The following FUT8 variants were observed in gnomAD, a reference collection of about 807,000 sequenced individuals.
The protein encoded by FUT8 is alpha-(1,6)-fucosyltransferase.
A neutral mutation model predicts 71.3 loss-of-function variants in FUT8; 29 were observed. The ratio of observed to expected loss-of-function variants is 0.41; its 90% CI spans 0.30 to 0.55. The LOEUF is 0.55. Ranked by LOEUF, FUT8 falls within the 20% of genes least tolerant of loss-of-function variation. The pLI is 0.34. For synonymous variants in FUT8, 254 were observed against 239.3 expected (o/e 1.06, Z -0.57); for missense variants, 544 against 702.1 (o/e 0.77, Z 2.55).
At position 65,469,707 on chromosome 14, in the gene FUT8, C is replaced by T. The variant is rs117020621; in HGVS notation, c.-228+13989C>T. Among the ~76,000 whole-genome samples, 908 of 152,248 alleles carry T rather than the reference C, an allele frequency of 6.0e-3. 10 individuals are homozygous for T. The highest frequency in any genetic ancestry group is 0.035 in the East Asian group (179 of 5,168). ...AGAGGAGGCCCTGGAGTGAGTGGCT[C>T]CTCTCTGCAGGCAGGTCCCCATTGA... On this transcript the variant is annotated intron_variant, in intron 2 of 10. Transcript: ENST00000673929.
chr14:65,579,718 G>A (rs1456675364), intron 3 of FUT8, among the ~76,000 whole-genome samples: 1 of 152,084 alleles, frequency 6.6e-6, no homozygotes. Context: ...ATAGCTTCCT[G>A]TGGTCCTTTA....
At chr14:65,425,792 A>G (rs980519693) in intron 1 of FUT8, among the ~76,000 whole-genome samples, 2 of 152,026 alleles carry the variant, frequency 1.3e-5, no homozygotes, top group Non-Finnish European at 2.9e-5. Context: ...CCTGGCCAAC[A>G]TAATGAAACC....
At chr14:65,717,493 G>A (rs563442296) in intron 7 of FUT8, among the ~76,000 whole-genome samples, 1 of 139,142 alleles carries the variant, frequency 7.2e-6, no homozygotes, top group Admixed American at 7.2e-5. Flanking sequence ...GGGGCGGCCG[G>A]GCAGAGGCGC....
In FUT8 at chr14:65,659,210, A is replaced by T. The variant is rs145030885; in HGVS notation, c.598-10033A>T. 2.9e-3 allele frequency among the ~76,000 whole-genome samples: 446 copies of T among 152,124 alleles called. 5 individuals carry two copies. Among genetic ancestry groups the T allele is most frequent in the African/African-American group, 9.8e-3 (406 of 41,524 alleles). Reference sequence around the variant, plus strand: ...TTTTGTTTTGTTTTTTTTTCATTAAAAAAACAATAATAGCTGGGGATTCCA... The same window carrying T: ...TTTTGTTTTGTTTTTTTTTCATTAATAAAACAATAATAGCTGGGGATTCCA... On this transcript the variant is annotated intron_variant, in intron 6 of 10. Transcript: ENST00000673929.
intron 5 of FUT8, among the ~76,000 whole-genome samples, chr14:65,623,470 C>A (rs769445301): frequency 2.0e-5 from 3 of 152,028 alleles, no homozygotes; most frequent in Non-Finnish European, 4.4e-5. Flanking sequence ...GTAATCCTAG[C>A]ACTTTGGGGA....
chr14:65,404,533 T>C, the FUT8 span, among the ~76,000 whole-genome samples: 3 of 151,880 alleles, frequency 2.0e-5, no homozygotes, highest in Non-Finnish European at 4.4e-5. Context: ...TGGAGTGCAG[T>C]GGCGCAATCT....
At chr14:65,683,069 A>G (rs1893113179) in intron 7 of FUT8, among the ~76,000 whole-genome samples, 1 of 148,736 alleles carries the variant, frequency 6.7e-6, no homozygotes. Flanking sequence ...GCTGGAGTGC[A>G]GTGGCACCAT....
the FUT8 span, among the ~76,000 whole-genome samples, chr14:65,378,397 CT>C: frequency 6.6e-6 from 1 of 152,170 alleles, no homozygotes; most frequent in East Asian, 1.9e-4. Context: ...TATTGCTGAT[CT>C]TGTCGTTATT....
At chr14:65,654,015 A>G (rs1206222290) in intron 6 of FUT8, among the ~76,000 whole-genome samples, 1 of 152,242 alleles carries the variant, frequency 6.6e-6, no homozygotes, top group Non-Finnish European at 1.5e-5. Context: ...CTGCTGGAAC[A>G]TCAGAATGAA....
intron 7 of FUT8, among the ~76,000 whole-genome samples, chr14:65,710,175 A>G (rs1001260209): frequency 6.6e-6 from 1 of 152,176 alleles, no homozygotes; most frequent in African/African-American, 2.4e-5. Flanking sequence ...CAGTGAATTT[A>G]TATTTATGGT....
At chr14:65,618,034 T>TAC (rs1366418432) in intron 5 of FUT8, among the ~76,000 whole-genome samples, 1 of 121,610 alleles carries the variant, frequency 8.2e-6, no homozygotes, top group Non-Finnish European at 1.7e-5. Flanking sequence ...TATATATATA[T>TAC]ATATATATAT....
At chr14:65,450,398 C>T (rs1743082978) in intron 1 of FUT8, among the ~76,000 whole-genome samples, 1 of 152,134 alleles carries the variant, frequency 6.6e-6, no homozygotes, top group Admixed American at 6.5e-5. Flanking sequence ...TATTCTGTTT[C>T]TCCTGAAAAC....
At chr14:65,492,740 T>A (rs2066500392) in intron 2 of FUT8, among the ~76,000 whole-genome samples, 1 of 152,142 alleles carries the variant, frequency 6.6e-6, no homozygotes. Context: ...TAAAACATAA[T>A]GTAAATGTCT....
chr14:65,572,068 G>A (rs557059399), intron 3 of FUT8, among the ~76,000 whole-genome samples: 32 of 152,294 alleles, frequency 2.1e-4, no homozygotes, highest in African/African-American at 7.7e-4. Flanking sequence ...TAGGCACAGT[G>A]AATGGCTTAT....
In FUT8 at chr14:65,469,363, ATAG is replaced by A. The variant is rs143605144; in HGVS notation, c.-228+13646_-228+13648del. On this transcript the variant is annotated intron_variant, in intron 2 of 10. Transcript: ENST00000673929. ...TATCAGGTAAAAGGAACTGAGGTAAATAGGCCTTTAGTGTGAGGTTTTATGTTT... is the reference window on the plus strand; with the variant it reads ...TATCAGGTAAAAGGAACTGAGGTAAAGCCTTTAGTGTGAGGTTTTATGTTT... 5.8e-3 allele frequency among the ~76,000 whole-genome samples: 876 copies of A among 152,262 alleles called. 34 individuals are homozygous for A. In the East Asian group the frequency reaches 0.093, roughly 16 times the overall value.
intron 2 of FUT8, among the ~76,000 whole-genome samples, chr14:65,520,842 A>G (rs1883031449): frequency 6.6e-6 from 1 of 152,104 alleles, no homozygotes; most frequent in Admixed American, 6.5e-5. Context: ...TCAAGTTTCA[A>G]ACAGTTTTTT....
In FUT8 at chr14:65,467,921, A is replaced by G. The variant is rs1383218176; in HGVS notation, c.-228+12203A>G. On this transcript the variant is annotated intron_variant, in intron 2 of 10. Transcript: ENST00000673929. The surrounding 1 kb of genome is among the most constrained non-coding windows in gnomAD (Gnocchi z 4.1). ...GCTGGTGCTTCAGTAGAACCCGGGT[A>G]CCTTTCTCTTTGGCTTCTTTCTTTT... 1 of 747,774 alleles carries G rather than the reference A, an allele frequency of 1.3e-6. No homozygotes were observed. Among genetic ancestry groups the G allele is most frequent in the Non-Finnish European group, 2.5e-6 (1 of 399,580 alleles). 46.3% of individuals were successfully genotyped at this position (747,774 alleles called of 1,614,324 possible).
intron 6 of FUT8, among the ~76,000 whole-genome samples, chr14:65,635,198 C>T (rs1287326383): frequency 2.0e-5 from 3 of 152,036 alleles, no homozygotes; most frequent in Admixed American, 6.6e-5. Context: ...ATGTTGTTTC[C>T]GTAAACTCTA....
At chr14:65,712,726 C>T (rs1276334420) in intron 7 of FUT8, among the ~76,000 whole-genome samples, 1 of 152,062 alleles carries the variant, frequency 6.6e-6, no homozygotes, top group Admixed American at 6.5e-5. Context: ...ATTACAGGCG[C>T]GAGTCACTGC....
Sources: gnomAD v4.1 joint callset for allele counts (sites outside exome capture counted in the v4.1 genomes callset) on GRCh38, gnomAD v4.1.1 for gene constraint, Gnocchi (gnomAD v3.1) non-coding constraint, MANE v1.5 for transcripts, NCBI Gene and HGNC (gene_info 2026-07-23, HGNC 2026-07-21) for gene names.